Variants in HIPK3 observed in about 807,000 individuals in gnomAD.
HIPK3 encodes the protein homeodomain-interacting protein kinase 3.
A neutral mutation model predicts 124.2 loss-of-function variants in HIPK3; 47 were observed. That is an observed-to-expected ratio of 0.38 (90% CI 0.30 to 0.48). The LOEUF is 0.48. HIPK3 is among the 20% of genes least tolerant of loss of function. The pLI, the probability that HIPK3 is intolerant of heterozygous loss-of-function variation, is 0.98. For synonymous variants in HIPK3, 482 were observed against 515.2 expected (o/e 0.94, Z 0.87); for missense variants, 1,286 against 1,454.3 (o/e 0.88, Z 1.88).
chr11:33,291,398 G>A lies in HIPK3; in HGVS notation c.1097+3887G>A, dbSNP rs190256790. On this transcript the variant is annotated intron_variant, in intron 2 of 16. Transcript: ENST00000303296. ...ACATATCCTGATTTCTGAGGTAAAC[G>A]ATTTGTGTTTAAACTCAGGTTTATG... 1.2e-3 allele frequency among the ~76,000 whole-genome samples: 182 copies of A among 152,286 alleles called. 1 individual carries two copies. The highest frequency in any genetic ancestry group is 4.6e-3 in the South Asian group (22 of 4,824).
intron 6 of HIPK3, among the ~76,000 whole-genome samples, chr11:33,340,354 G>A (rs1853295009): frequency 6.6e-6 from 1 of 152,210 alleles, no homozygotes; most frequent in South Asian, 2.1e-4. Context: ...GGGACTATAG[G>A]TGTGTGCCAC....
intron 8 of HIPK3, among the ~76,000 whole-genome samples, chr11:33,343,247 TTGTGTGTGTG>T (rs3884092): frequency 2.0e-3 from 276 of 141,494 alleles, no homozygotes; most frequent in African/African-American, 5.6e-3. Context: ...TTATTTGATT[TTGTGTGTGTG>T]TGTGTGTGTG....
At chr11:33,282,151 A>C (rs191567126) in intron 1 of HIPK3, among the ~76,000 whole-genome samples, 19 of 152,282 alleles carry the variant, frequency 1.2e-4, no homozygotes, top group Admixed American at 5.9e-4. Flanking sequence ...TGGGAGGCCA[A>C]GTCAGGAGGA....
intron 4 of HIPK3, among the ~76,000 whole-genome samples, chr11:33,338,044 A>T (rs1853210197): frequency 6.6e-6 from 1 of 152,136 alleles, no homozygotes. Flanking sequence ...CATAATTATT[A>T]ATTCATCTTA....
At position 33,341,614 on chromosome 11, in the gene HIPK3, G is replaced by A; in HGVS notation, c.1825G>A (p.Ala609Thr). The change falls in exon 8 of 17, where the codon GCA (alanine) becomes ACA (threonine). Residue 609 changes from alanine (A) to threonine (T), a missense_variant. Around this residue, in one of 3 missense-constraint regions of HIPK3, gnomAD observed 810 missense variants for 864.9 expected, o/e 0.94. Coordinates refer to ENST00000303296, the MANE Select transcript of HIPK3 (RefSeq NM_005734.5). ...SVVHHGIPLQAGTAQFGCGDA... is the reference protein window; with the variant it reads ...SVVHHGIPLQTGTAQFGCGDA... The stretch of plus-strand genomic sequence containing the variant: ...TGTGCACCATGGAATACCTCTGCAG[G>A]CAGGAACTGCTCAGTTTGGTTGTGG... 11 of 1,613,712 alleles carry A rather than the reference G, an allele frequency of 6.8e-6. No individual in the cohort carries two copies. The highest frequency in any genetic ancestry group is 7.6e-6 in the Non-Finnish European group (9 of 1,179,768).
chr11:33,304,714 C>T (rs965428895), intron 2 of HIPK3, among the ~76,000 whole-genome samples: 1 of 152,202 alleles, frequency 6.6e-6, no homozygotes, highest in African/African-American at 2.4e-5. Context: ...CTCAATGATA[C>T]ACATTCAGTT....
intron 1 of HIPK3, among the ~76,000 whole-genome samples, chr11:33,273,490 A>G (rs1483134313): frequency 3.0e-5 from 4 of 133,710 alleles, no homozygotes; most frequent in Admixed American, 8.0e-5. Context: ...AGCCTGGGCG[A>G]CAGAGTGAGA....
chr11:33,325,170 G>A (rs952687274), intron 2 of HIPK3, among the ~76,000 whole-genome samples: 1 of 152,088 alleles, frequency 6.6e-6, no homozygotes, highest in African/African-American at 2.4e-5. Flanking sequence ...TCATTAAATG[G>A]TAGCACATGG....
chr11:33,353,593 A>G lies in HIPK3; in HGVS notation c.*25A>G, dbSNP rs751019292. The G allele has an allele frequency of 2.9e-6, 4 of 1,364,428 alleles. No individual in the cohort carries two copies. Among genetic ancestry groups the G allele is most frequent in the Admixed American group, 3.4e-5 (2 of 58,828 alleles). 84.5% of individuals were successfully genotyped at this position (1,364,428 alleles called of 1,614,324 possible). A position where few individuals can be genotyped will look rare whatever the true frequency, so the allele number is the denominator to read the frequency against. On this transcript the variant is annotated 3_prime_UTR_variant, in exon 17 of 17. Transcript: ENST00000303296. Reference sequence around the variant, plus strand: ...AAAAACAGTATATTGGGGAAGCTCAATGATACAAACATTTGATTAAAAATA... The same window carrying G: ...AAAAACAGTATATTGGGGAAGCTCAGTGATACAAACATTTGATTAAAAATA...
Position 33,348,644 on chromosome 11 carries a change from G to C in HIPK3, c.2492G>C (p.Gly831Ala). The C allele has an allele frequency of 1.2e-6, 2 of 1,614,156 alleles. No homozygotes were observed. Among genetic ancestry groups the C allele is most frequent in the Non-Finnish European group, 1.7e-6 (2 of 1,180,018 alleles). The change falls in exon 13 of 17, where the codon GGA becomes GCA. Residue 831 changes from glycine (G) to alanine (A), a missense_variant. By Grantham distance (60) the Gly-to-Ala change is moderately conservative. Coordinates refer to ENST00000303296, the MANE Select transcript of HIPK3 (RefSeq NM_005734.5). Reference protein sequence around the residue: ...IETQDNQNSEGEARNCCETSI... With the variant: ...IETQDNQNSEAEARNCCETSI... ...ACACAGGACAATCAGAACTCAGAAG[G>C]AGAGGCAAGAAATTGCTGTGAAACA... is the stretch of plus-strand genomic sequence containing the variant.
intron 6 of HIPK3, among the ~76,000 whole-genome samples, 194 bp from the exon 7 acceptor site, chr11:33,340,774 A>G (rs146954733): frequency 8.1e-4 from 124 of 152,320 alleles, no homozygotes; most frequent in African/African-American, 2.4e-3. Context: ...TGCAGAATAT[A>G]TACTTTTACT....
Position 33,348,639 on chromosome 11 carries a change from A to G in HIPK3, c.2487A>G (p.Ser829=). The G allele has an allele frequency of 6.2e-7, 1 of 1,614,168 alleles. No individual in the cohort carries two copies. Among genetic ancestry groups the G allele is most frequent in the South Asian group, 1.1e-5 (1 of 91,086 alleles). ...SCIETQDNQN[S]EGEARNCCET... ...TAGAAACACAGGACAATCAGAACTCAGAAGGAGAGGCAAGAAATTGCTGTG... is the reference window on the plus strand; with the variant it reads ...TAGAAACACAGGACAATCAGAACTCGGAAGGAGAGGCAAGAAATTGCTGTG... Residue 829 remains serine (S), a synonymous_variant, in exon 13 of 17, where the codon TCA becomes TCG. Coordinates refer to ENST00000303296, the MANE Select transcript of HIPK3 (RefSeq NM_005734.5).
At chr11:33,301,032 A>G (rs6484653) in intron 2 of HIPK3, among the ~76,000 whole-genome samples, 99,717 of 152,042 alleles carry the variant, frequency 0.66, 32,930 homozygotes, top group Non-Finnish European at 0.7. Flanking sequence ...TTCTATGTCT[A>G]TCTGTTTGTA....
chr11:33,298,301 T>C (rs1352143930), intron 2 of HIPK3, among the ~76,000 whole-genome samples: 1 of 152,240 alleles, frequency 6.6e-6, no homozygotes, highest in Non-Finnish European at 1.5e-5. Context: ...AGCATGCTGT[T>C]GAGACCTACT....
At chr11:33,281,898 G>A (rs903466838) in intron 1 of HIPK3, among the ~76,000 whole-genome samples, 1 of 152,132 alleles carries the variant, frequency 6.6e-6, no homozygotes, top group Non-Finnish European at 1.5e-5. Context: ...CAGTGCTGCA[G>A]TGAATATTCT....
At chr11:33,311,937 TAC>T (rs1161756236) in intron 2 of HIPK3, among the ~76,000 whole-genome samples, 3 of 46,794 alleles carry the variant, frequency 6.4e-5, no homozygotes, top group Non-Finnish European at 1.4e-4. Context: ...ACACACACAC[TAC>T]ACACACACAC....
Position 33,347,931 on chromosome 11 carries a change from C to G in HIPK3, c.2224C>G (p.Pro742Ala), listed in dbSNP as rs772419674. 1 of 1,614,130 alleles carries G rather than the reference C, an allele frequency of 6.2e-7. No homozygotes were observed. Among genetic ancestry groups the G allele is most frequent in the East Asian group, 2.2e-5 (1 of 44,878 alleles). ...LLTNQITLSA[P>A]QPVSVGIAHV... The stretch of plus-strand genomic sequence containing the variant: ...GACCAATCAGATAACTTTATCTGCC[C>G]CTCAGCCAGTTAGTGTGGGGATTGC... Residue 742 changes from proline (P) to alanine (A), a missense_variant, in exon 11 of 17, where the codon CCT becomes GCT. Pro to Ala is a conservative substitution (Grantham distance 27). Transcript: ENST00000303296.
intron 1 of HIPK3, among the ~76,000 whole-genome samples, chr11:33,284,446 A>G (rs1851494299): frequency 6.6e-6 from 1 of 152,206 alleles, no homozygotes; most frequent in South Asian, 2.1e-4. Flanking sequence ...GGCTTCAGCA[A>G]GAAGATATTA....
intron 2 of HIPK3, among the ~76,000 whole-genome samples, chr11:33,295,683 CTTA>C (rs1336912995): frequency 6.6e-6 from 1 of 152,174 alleles, no homozygotes; most frequent in East Asian, 1.9e-4. Flanking sequence ...CCTCAGTTTG[CTTA>C]TGGCTGATGT....
Sources: gnomAD v4.1 joint callset for allele counts (sites outside exome capture counted in the v4.1 genomes callset) on GRCh38, gnomAD v4.1.1 for gene constraint, gnomAD v4.1.1 regional missense constraint, MANE v1.5 for transcripts, NCBI Gene and HGNC (gene_info 2026-07-23, HGNC 2026-07-21) for gene names.